Variants in ACTR8 observed in about 807,000 individuals in gnomAD.
The protein encoded by ACTR8 is actin related protein 8, also known as actin-related protein 8.
A neutral mutation model predicts 84.3 loss-of-function variants in ACTR8; 70 were observed. That is an observed-to-expected ratio of 0.83 (90% CI 0.68 to 1.01). ACTR8 has a LOEUF of 1.01. Ranked by LOEUF, ACTR8 falls within the 50% of genes least tolerant of loss-of-function variation. The probability of loss-of-function intolerance (pLI) is 0.00; values close to 1 mark genes in which losing one functional copy is unlikely to be tolerated. For synonymous variants in ACTR8, 268 were observed against 275.2 expected (o/e 0.97, Z 0.26); for missense variants, 672 against 775.4 (o/e 0.87, Z 1.58).
At chr3:53,871,832 T>C (rs1253478851) in intron 10 of ACTR8, among the ~76,000 whole-genome samples, 1 of 152,242 alleles carries the variant, frequency 6.6e-6, no homozygotes, top group Non-Finnish European at 1.5e-5. Context: ...GTGGGATTCA[T>C]GGGCCATGAC....
chr3:53,878,747 C>T (rs1297822750), intron 2 of ACTR8, among the ~76,000 whole-genome samples: 7 of 152,012 alleles, frequency 4.6e-5, no homozygotes, highest in Non-Finnish European at 1.0e-4. Flanking sequence ...TTGCTTGAGC[C>T]CAGGAGGTGG....
At chr3:53,873,214 A>C in intron 8 of ACTR8, 87 bp from the exon 9 acceptor site, 1 of 1,035,970 alleles carries the variant, frequency 9.7e-7, no homozygotes, top group East Asian at 2.7e-5. Context: ...CATCATCTAA[A>C]TATCACCTAT....
chr3:53,864,834 T>G (rs2107036140), downstream of ACTR8: 1 of 1,614,186 alleles, frequency 6.2e-7, no homozygotes, highest in Admixed American at 1.7e-5. Context: ...TATGTTTCCA[T>G]CACACAATTT....
intron 1 of ACTR8, among the ~76,000 whole-genome samples, chr3:53,881,474 TCCA>T (rs1479314808): frequency 1.3e-5 from 2 of 152,238 alleles, no homozygotes; most frequent in Non-Finnish European, 2.9e-5. Context: ...TAGACAAATG[TCCA>T]CCATTTCCTT....
At chr3:53,881,746 G>T in intron 1 of ACTR8, 1 of 631,844 alleles carries the variant, frequency 1.6e-6, no homozygotes, top group Non-Finnish European at 2.7e-6. Flanking sequence ...GCGTGCGGGA[G>T]ATCGGAGCGG....
At chr3:53,865,200 C>A (rs1699742580), downstream of ACTR8, 1 of 1,613,936 alleles carries the variant, frequency 6.2e-7, no homozygotes, top group Non-Finnish European at 8.5e-7. Context: ...CCAAGTACCA[C>A]CTCATGAAGG....
intron 12 of ACTR8, 122 bp downstream of exon 12, chr3:53,869,860 A>G (rs1383489975): frequency 1.0e-5 from 12 of 1,171,362 alleles, no homozygotes; most frequent in Non-Finnish European, 1.4e-5. Flanking sequence ...TAACTTTTCC[A>G]CTTGCCCTAA....
chr3:53,882,074 C>G lies in ACTR8; in HGVS notation c.28G>C (p.Glu10Gln). 1 of 1,551,666 alleles carries G rather than the reference C, an allele frequency of 6.4e-7. No homozygotes were observed. Among genetic ancestry groups the G allele is most frequent in the South Asian group, 1.2e-5 (1 of 84,064 alleles). Residue 10 changes from glutamate to glutamine, a missense_variant, in exon 1 of 13, where the codon GAG (glutamate) becomes CAG (glutamine). Transcript: ENST00000335754. ...TCGCCGCCCTTCTCCTTTCCGTTCT[C>G]CGTATCACCCTTCTCAGCCTGGGTC... is the stretch of plus-strand genomic sequence containing the variant. MTQAEKGDT[E>Q]NGKEKGGEKE...
intron 7 of ACTR8, among the ~76,000 whole-genome samples, chr3:53,875,134 C>T (rs1352169458): frequency 6.6e-6 from 1 of 152,162 alleles, no homozygotes; most frequent in Non-Finnish European, 1.5e-5. Context: ...AACCTGGGTC[C>T]AGCATTTTCT....
At chr3:53,871,519 A>C in intron 10 of ACTR8, 23 bp from the exon 11 acceptor site, 2 of 1,612,352 alleles carry the variant, frequency 1.2e-6, no homozygotes, top group Non-Finnish European at 1.7e-6. Context: ...AGGACAATCA[A>C]GTATGTGGTA....
chr3:53,865,522 T>C (rs1387242681), downstream of ACTR8: 8 of 511,740 alleles, frequency 1.6e-5, no homozygotes, highest in South Asian at 3.3e-5. Context: ...GTTTTATACA[T>C]AGAAATCAAT....
rs368766497 is a variant in ACTR8 at position 53,874,374 on chromosome 3, A to C, written c.912-10T>G. ...GTATGCCAGACAAAGCCTAAAGTTA[A>C]GAGAAAAGGGTAGATGGTTAATCTG... On this transcript the variant is annotated splice_polypyrimidine_tract_variant and intron_variant, in intron 7 of 12. Coordinates refer to ENST00000335754, the MANE Select transcript of ACTR8 (RefSeq NM_022899.5). 2 of 1,611,084 alleles carry C rather than the reference A, an allele frequency of 1.2e-6. No homozygotes were observed. Among genetic ancestry groups the C allele is most frequent in the African/African-American group, 2.7e-5 (2 of 74,702 alleles).
In ACTR8 at chr3:53,877,634, A is replaced by G; in HGVS notation, c.510+13T>C. 4 of 1,605,834 alleles carry G rather than the reference A, an allele frequency of 2.5e-6. No homozygotes were observed. Among genetic ancestry groups the G allele is most frequent in the Non-Finnish European group, 3.4e-6 (4 of 1,173,642 alleles). The stretch of plus-strand genomic sequence containing the variant: ...TTCCCCTTCTTTCATTCTATTGTAA[A>G]GAAGTTTCTTACCTCTTCTCCTACT... On this transcript the variant is annotated intron_variant, in intron 4 of 12. Coordinates refer to ENST00000335754, the MANE Select transcript of ACTR8 (RefSeq NM_022899.5).
chr3:53,881,533 A>G (rs1700060114), intron 1 of ACTR8: 1 of 212,628 alleles, frequency 4.7e-6, no homozygotes, highest in South Asian at 6.3e-5. Flanking sequence ...TTTCCTTAAC[A>G]AAGGAAAAAG....
At chr3:53,875,912 G>A in intron 7 of ACTR8, 36 bp downstream of exon 7, 1 of 1,613,136 alleles carries the variant, frequency 6.2e-7, no homozygotes, top group Non-Finnish European at 8.5e-7. Flanking sequence ...TATGAGGGAA[G>A]AGGAAACAGG....
chr3:53,865,287 C>T (rs142187324), downstream of ACTR8: 23 of 1,606,714 alleles, frequency 1.4e-5, no homozygotes, highest in East Asian at 2.7e-4. Flanking sequence ...AAGCCTGCCA[C>T]GATGGCTGCT....
chr3:53,871,158 T>G, intron 11 of ACTR8, 74 bp downstream of exon 11: 6 of 1,558,132 alleles, frequency 3.9e-6, no homozygotes, highest in Non-Finnish European at 5.3e-6. Flanking sequence ...CACAAGTATA[T>G]CCTAGACTGA....
Position 53,874,319 on chromosome 3 carries a change from G to T in ACTR8, c.957C>A (p.Tyr319Ter). The T allele has an allele frequency of 1.2e-6, 2 of 1,614,164 alleles. No homozygotes were observed. The highest frequency in any genetic ancestry group is 1.7e-6 in the Non-Finnish European group (2 of 1,180,004). ...YGGSDVSRCF[Y>*]WLMQRAGFPY... ...GGAACCCAGCTCGCTGCATTAGCCA[G>T]TAAAAACATCTTGACACATCAGATC... The change falls in exon 8 of 13, where the codon TAC (tyrosine) becomes TAA (stop). Residue 319 changes from tyrosine (Y) to a stop codon, truncating the protein, a stop_gained. Coordinates refer to ENST00000335754, the MANE Select transcript of ACTR8 (RefSeq NM_022899.5). LOFTEE classifies it high-confidence loss of function.
intron 7 of ACTR8, among the ~76,000 whole-genome samples, chr3:53,875,096 C>G (rs944214510): frequency 2.6e-5 from 4 of 152,226 alleles, no homozygotes; most frequent in Admixed American, 2.6e-4. Flanking sequence ...TTTGGGAAGA[C>G]AGCTGCTATA....
Sources: allele counts gnomAD v4.1 joint callset (sites outside exome capture counted in the v4.1 genomes callset), GRCh38; gene constraint gnomAD v4.1.1; transcripts MANE v1.5; gene names NCBI Gene and HGNC (gene_info 2026-07-23, HGNC 2026-07-21).